The following HHLA2 variants were observed in gnomAD, a reference collection of about 807,000 sequenced individuals.
HHLA2 encodes HHLA2 member of B7 family.
HHLA2 carries 48 observed loss-of-function variants against 45.9 expected under a neutral mutation model. The observed-to-expected ratio is 1.05, with a 90% CI of 0.83 to 1.33. HHLA2 has a LOEUF of 1.33. Among genes scored for constraint, HHLA2 ranks in the 40% most tolerant of loss-of-function variants. The pLI is 0.00. For synonymous variants in HHLA2, 161 were observed against 173.9 expected (o/e 0.93, Z 0.59); for missense variants, 462 against 494.3 (o/e 0.93, Z 0.62).
chr3:108,355,320 T>C, exon 6 of HHLA2: 1 of 1,613,938 alleles, frequency 6.2e-7, no homozygotes, highest in Non-Finnish European at 8.5e-7. Context: ...ATTCATCTTA[T>C]GAATGTACAA....
At chr3:108,316,263 C>G (rs1415470452) in intron 2 of HHLA2, among the ~76,000 whole-genome samples, 5 of 152,146 alleles carry the variant, frequency 3.3e-5, no homozygotes, top group Non-Finnish European at 7.4e-5. Flanking sequence ...AGAAGTTCCT[C>G]TGGTTAAAAA....
chr3:108,369,325 C>CG (rs1387015122), intron 8 of HHLA2, among the ~76,000 whole-genome samples: 1 of 151,898 alleles, frequency 6.6e-6, no homozygotes, highest in African/African-American at 2.4e-5. Context: ...TAGAGATTCA[C>CG]GGGGGGAGGA....
intron 2 of HHLA2, among the ~76,000 whole-genome samples, chr3:108,319,342 T>C (rs2081157713): frequency 1.3e-5 from 2 of 152,226 alleles, no homozygotes; most frequent in South Asian, 4.1e-4. Context: ...AATCTGAGAC[T>C]CTTCCCACTT....
At position 108,359,389 on chromosome 3, in the gene HHLA2, G is replaced by A. The variant is rs114837833; in HGVS notation, c.1003+1228G>A. On this transcript the variant is annotated intron_variant, in intron 7 of 10. Transcript: ENST00000619531. ...TGCTCACCCTTCCCCACGAGGAAGA[G>A]GACTTGGCAGGAGCCACCCCAGCAG... Among the ~76,000 whole-genome samples, 766 of 152,310 alleles carry A rather than the reference G, an allele frequency of 5.0e-3. 8 individuals are homozygous for A. Among genetic ancestry groups the A allele is most frequent in the Middle Eastern group, 0.024 (7 of 294 alleles).
chr3:108,342,275 TTTTTTGAGATGGAG>T, intron 3 of HHLA2, among the ~76,000 whole-genome samples: 2 of 147,502 alleles, frequency 1.4e-5, no homozygotes, highest in African/African-American at 2.5e-5. Context: ...TTTTTTTTTT[TTTTTTGAGATGGAG>T]TTTTACTCTC....
At chr3:108,310,420 G>T (rs1006739053) in intron 1 of HHLA2, among the ~76,000 whole-genome samples, 5 of 152,074 alleles carry the variant, frequency 3.3e-5, no homozygotes, top group South Asian at 2.1e-4. Flanking sequence ...ATGACATATT[G>T]TTCCCCTCTT....
chr3:108,305,047 C>T (rs1405690563), intron 1 of HHLA2, among the ~76,000 whole-genome samples: 2 of 152,144 alleles, frequency 1.3e-5, no homozygotes, highest in Non-Finnish European at 1.5e-5. Flanking sequence ...TATTCTTTGT[C>T]ACATTAAAAC....
intron 3 of HHLA2, among the ~76,000 whole-genome samples, chr3:108,337,488 A>T (rs1163891984): frequency 6.6e-6 from 1 of 152,116 alleles, no homozygotes; most frequent in South Asian, 2.1e-4. Flanking sequence ...AGGTGGAGGT[A>T]TCTTTGTCTA....
intron 2 of HHLA2, chr3:108,328,138 A>C: frequency 2.0e-6 from 1 of 491,284 alleles, no homozygotes; most frequent in Non-Finnish European, 3.5e-6. Context: ...GTCTCGAAGA[A>C]AAAAAAAAAG....
At chr3:108,307,432 G>A (rs138827929) in intron 1 of HHLA2, among the ~76,000 whole-genome samples, 8,659 of 151,824 alleles carry the variant, frequency 0.057, 364 homozygotes, top group East Asian at 0.23. Flanking sequence ...TAAGGAGTTC[G>A]AGACCAGCCT....
At chr3:108,325,848 T>G in intron 2 of HHLA2, 1 of 379,558 alleles carries the variant, frequency 2.6e-6, no homozygotes, top group East Asian at 7.0e-5. Flanking sequence ...CGACCACCAC[T>G]CACATCTCTA....
Position 108,358,162 on chromosome 3 carries a change from G to A in HHLA2, c.1003+1G>A. On this transcript the variant is annotated splice_donor_variant, in intron 7 of 10. Coordinates refer to ENST00000619531, the Ensembl canonical transcript of HHLA2. LOFTEE classifies it high-confidence loss of function. The stretch of plus-strand genomic sequence containing the variant: ...CTTACCATCCACACAGTGCATGTAG[G>A]TAAGTTGCAAGTAGGTTTGGATAAT... 6.3e-7 allele frequency: 1 copy of A among 1,593,624 alleles called. No individual in the cohort carries two copies. Among genetic ancestry groups the A allele is most frequent in the Non-Finnish European group, 8.6e-7 (1 of 1,167,286 alleles).
rs367804995 is a variant in HHLA2, at chr3:108,376,487, C to T, written c.1160-6C>T. 2.2e-4 allele frequency: 353 copies of T among 1,586,592 alleles called. 2 individuals are homozygous for T. Among genetic ancestry groups the T allele is most frequent in the South Asian group, 2.1e-3 (180 of 85,798 alleles). ...TATTTTTAAGTTCTCTTTTTTTTTC[C>T]TGTAGAAAGATGTTGTGTCCCTCCT... On this transcript the variant is annotated splice_polypyrimidine_tract_variant and splice_region_variant and intron_variant, in intron 9 of 10. Transcript: ENST00000619531.
intron 1 of HHLA2, among the ~76,000 whole-genome samples, chr3:108,306,411 A>G (rs2080930763): frequency 6.6e-6 from 1 of 152,238 alleles, no homozygotes; most frequent in East Asian, 1.9e-4. Context: ...GTCCTCATAC[A>G]GTCTTTTCCT....
intron 3 of HHLA2, among the ~76,000 whole-genome samples, chr3:108,340,908 T>TCCTTCC (rs1553754397): frequency 1.0e-4 from 6 of 59,450 alleles, no homozygotes; most frequent in African/African-American, 5.1e-4. Flanking sequence ...TTTTTTTTTT[T>TCCTTCC]TTCCTTCCTT....
intron 3 of HHLA2, among the ~76,000 whole-genome samples, chr3:108,347,938 T>G (rs963290887): frequency 2.6e-5 from 4 of 152,048 alleles, no homozygotes; most frequent in African/African-American, 9.7e-5. Flanking sequence ...TGTTTTGTTG[T>G]GTTTGGGGTG....
chr3:108,368,535 C>CAAAAAA lies in HHLA2; in HGVS notation c.1108+6119_1108+6124dup. Reference sequence around the variant, plus strand: ...GAATATTTACCAAGCAAACGAAGAGCAAAAAAAAAAAAAAAAAAAAAAAAA... The same window carrying CAAAAAA: ...GAATATTTACCAAGCAAACGAAGAGCAAAAAAAAAAAAAAAAAAAAAAAAAAAAAAA... On this transcript the variant is annotated intron_variant, in intron 8 of 10. Coordinates refer to ENST00000619531, the Ensembl canonical transcript of HHLA2. Among the ~76,000 whole-genome samples the CAAAAAA allele has an allele frequency of 5.9e-3, 39 of 6,624 alleles. 10 individuals carry two copies. The highest frequency in any genetic ancestry group is 0.023 in the East Asian group (2 of 88). 4.3% of individuals were successfully genotyped at this position (6,624 alleles called of 152,430 possible).
chr3:108,300,283 G>C (rs1394563184), intron 1 of HHLA2, among the ~76,000 whole-genome samples: 3 of 152,142 alleles, frequency 2.0e-5, no homozygotes, highest in Non-Finnish European at 4.4e-5. Context: ...AGGCAGGGTG[G>C]GAAGAAACAG....
chr3:108,374,690 A>C (rs1211338655), intron 8 of HHLA2, among the ~76,000 whole-genome samples: 1 of 149,792 alleles, frequency 6.7e-6, no homozygotes, highest in Non-Finnish European at 1.5e-5. Flanking sequence ...GACACTTCTC[A>C]AAAGAAGACA....
Sources: allele counts gnomAD v4.1 joint callset (sites outside exome capture counted in the v4.1 genomes callset), GRCh38; gene constraint gnomAD v4.1.1; transcripts MANE v1.5; gene names NCBI Gene and HGNC (gene_info 2026-07-23, HGNC 2026-07-21).